The following AGMO variants were observed in gnomAD, a reference collection of about 807,000 sequenced individuals.
AGMO encodes glyceryl-ether monooxygenase.
Under a neutral mutation model 60.2 loss-of-function variants are expected in AGMO, and 75 were observed. That is an observed-to-expected ratio of 1.25 (90% CI 1.03 to 1.51). The LOEUF (loss-of-function observed/expected upper bound fraction) is 1.51, where lower values mean the gene tolerates loss of function less well. Among genes scored for constraint, AGMO ranks in the 40% most tolerant of loss-of-function variants. AGMO has a pLI of 0.00. For synonymous variants in AGMO, 261 were observed against 177.1 expected, an observed-to-expected ratio of 1.47 and a Z score of -3.76; for missense variants, 763 against 525.5, an observed-to-expected ratio of 1.45 and a Z score of -4.42.
chr7:15,278,419 A>G (rs1046223008), intron 12 of AGMO, among the ~76,000 whole-genome samples: 4 of 152,056 alleles, frequency 2.6e-5, no homozygotes, highest in Non-Finnish European at 5.9e-5. Context: ...AATGGCATGT[A>G]TGAGTCCTCA....
chr7:15,511,520 C>T (rs1245177307), intron 3 of AGMO, among the ~76,000 whole-genome samples: 1 of 152,032 alleles, frequency 6.6e-6, no homozygotes, highest in South Asian at 2.1e-4. Context: ...GGGCAAAGGG[C>T]ACAAACTTGG....
At chr7:15,516,918 G>C (rs935450176) in intron 3 of AGMO, among the ~76,000 whole-genome samples, 20 of 152,140 alleles carry the variant, frequency 1.3e-4, no homozygotes, top group African/African-American at 4.6e-4. Flanking sequence ...ATAGAATAAA[G>C]AGAAAGAGTC....
At chr7:15,202,060 C>T (rs867417992) in intron 12 of AGMO, among the ~76,000 whole-genome samples, 11 of 152,186 alleles carry the variant, frequency 7.2e-5, no homozygotes, top group African/African-American at 2.6e-4. Context: ...TATAGGATTG[C>T]TTTCCTGATC....
chr7:15,530,991 A>ATG lies in AGMO; in HGVS notation c.409+13780_409+13781insCA, dbSNP rs369943985. On this transcript the variant is annotated intron_variant, in intron 3 of 12. Coordinates refer to ENST00000342526, the MANE Select transcript of AGMO (RefSeq NM_001004320.2). ...TATATATTCTATATGTATATTCTAT[A>ATG]TATATTCTATATATTCTATATATAT... Among the ~76,000 whole-genome samples, 24 of 9,198 alleles carry ATG rather than the reference A, an allele frequency of 2.6e-3. No individual in the cohort carries two copies. The East Asian group carries it at 0.061, about 23-fold the overall frequency. 6.0% of individuals were successfully genotyped at this position (9,198 alleles called of 152,430 possible). A position where few individuals can be genotyped will look rare whatever the true frequency, so the allele number is the denominator to read the frequency against.
chr7:15,394,226 G>C, intron 5 of AGMO, 47 bp from the exon 6 acceptor site: 1 of 1,311,316 alleles, frequency 7.6e-7, no homozygotes, highest in Non-Finnish European at 1.1e-6. Context: ...ATCATTAAAT[G>C]TGTGTTAGTA....
At chr7:15,560,103 C>T (rs1412519836) in intron 2 of AGMO, 38 bp downstream of exon 2, 1 of 1,524,234 alleles carries the variant, frequency 6.6e-7, no homozygotes, top group African/African-American at 1.4e-5. Context: ...TAGGCAATTT[C>T]AGTTTTTATG....
At chr7:15,399,168 T>C (rs1255260247) in intron 5 of AGMO, among the ~76,000 whole-genome samples, 3 of 152,150 alleles carry the variant, frequency 2.0e-5, no homozygotes, top group African/African-American at 7.2e-5. Context: ...TTGTTTTTTC[T>C]CGGTCTTACA....
At chr7:15,520,352 T>C (rs1490691048) in intron 3 of AGMO, among the ~76,000 whole-genome samples, 3 of 152,170 alleles carry the variant, frequency 2.0e-5, no homozygotes, top group Non-Finnish European at 2.9e-5. Context: ...GCAGACCTAA[T>C]AGACATCTAC....
chr7:15,245,459 A>G (rs1034501464), intron 12 of AGMO, among the ~76,000 whole-genome samples: 12 of 152,172 alleles, frequency 7.9e-5, no homozygotes, highest in African/African-American at 2.7e-4. Flanking sequence ...TTAGCTCAAC[A>G]GGGAACAAAA....
intron 12 of AGMO, among the ~76,000 whole-genome samples, chr7:15,280,415 C>T (rs932640533): frequency 7.2e-5 from 11 of 152,164 alleles, no homozygotes; most frequent in Admixed American, 5.9e-4. Context: ...GAGAACTGCC[C>T]CCTCACACCA....
intron 11 of AGMO, among the ~76,000 whole-genome samples, chr7:15,365,885 C>G (rs1218272164): frequency 6.6e-6 from 1 of 151,898 alleles, no homozygotes; most frequent in African/African-American, 2.4e-5. Context: ...TATTAGGCAA[C>G]TAAATTTCTA....
At chr7:15,144,027 T>C in the AGMO span, among the ~76,000 whole-genome samples, 1 of 152,190 alleles carries the variant, frequency 6.6e-6, no homozygotes, top group South Asian at 2.1e-4. Context: ...GTGTTGACAA[T>C]CATTGACCTA....
chr7:15,463,227 T>C (rs1208555743), intron 3 of AGMO, among the ~76,000 whole-genome samples: 1 of 152,156 alleles, frequency 6.6e-6, no homozygotes, highest in African/African-American at 2.4e-5. Flanking sequence ...TTTTCTGTTG[T>C]TGTTCTTGCT....
At chr7:15,555,292 TACACACACACACACACACACACAC>T (rs58173194) in intron 2 of AGMO, among the ~76,000 whole-genome samples, 1 of 95,878 alleles carries the variant, frequency 1.0e-5, no homozygotes, top group Non-Finnish European at 2.0e-5. Flanking sequence ...TATATATATA[TACACACACACACACACACACACAC>T]ACACACACAC....
chr7:15,418,817 G>T (rs904337678), intron 4 of AGMO, among the ~76,000 whole-genome samples, 164 bp from the exon 5 acceptor site: 2 of 151,666 alleles, frequency 1.3e-5, no homozygotes, highest in Admixed American at 6.6e-5. Flanking sequence ...TTTCCTCATG[G>T]TGATACAGTT....
At chr7:15,286,512 A>G (rs1050640850) in intron 12 of AGMO, among the ~76,000 whole-genome samples, 2 of 152,142 alleles carry the variant, frequency 1.3e-5, no homozygotes, top group African/African-American at 4.8e-5. Flanking sequence ...TCAAATTAAA[A>G]CCACAATGAG....
intron 12 of AGMO, among the ~76,000 whole-genome samples, chr7:15,257,827 G>T (rs1783141452): frequency 6.6e-6 from 1 of 152,168 alleles, no homozygotes; most frequent in African/African-American, 2.4e-5. Context: ...AAACTTCTGT[G>T]TGCAACTGTT....
chr7:15,374,065 G>A (rs941340724), intron 10 of AGMO, among the ~76,000 whole-genome samples: 1 of 152,186 alleles, frequency 6.6e-6, no homozygotes, highest in Non-Finnish European at 1.5e-5. Context: ...GATTTGTTAT[G>A]CTGAATCCGA....
chr7:15,487,502 A>C (rs973321146), intron 3 of AGMO, among the ~76,000 whole-genome samples: 1 of 152,134 alleles, frequency 6.6e-6, no homozygotes. Context: ...AATCAACTGG[A>C]CAGTGATTTG....
Sources: gnomAD v4.1 joint callset for allele counts (sites outside exome capture counted in the v4.1 genomes callset) on GRCh38, gnomAD v4.1.1 for gene constraint, MANE v1.5 for transcripts, NCBI Gene and HGNC (gene_info 2026-07-23, HGNC 2026-07-21) for gene names.